SIK3: variants seen among roughly 807,000 people sequenced by gnomAD.
SIK3 encodes the protein SIK family kinase 3.
A neutral mutation model predicts 144.2 loss-of-function variants in SIK3; 28 were observed. That is an observed-to-expected ratio of 0.19 (90% confidence interval 0.14 to 0.27). SIK3 has a LOEUF of 0.27. Among genes scored for constraint, SIK3 ranks in the 10% least tolerant of loss-of-function variants. SIK3 has a pLI of 1.00. For synonymous variants in SIK3, 686 were observed against 676.3 expected, an observed-to-expected ratio of 1.01 and a Z score of -0.22; for missense variants, 1,319 against 1,776.0, an observed-to-expected ratio of 0.74 and a Z score of 4.62.
intron 21 of SIK3, 110 bp downstream of exon 21, chr11:116,857,700 A>C: frequency 6.9e-7 from 1 of 1,459,600 alleles, no homozygotes; most frequent in African/African-American, 1.4e-5. Flanking sequence ...GAAGCTCAGA[A>C]ATTCTTTTTT....
intron 13 of SIK3, 123 bp from the exon 14 acceptor site, chr11:116,870,524 C>T (rs982223132): frequency 4.6e-6 from 6 of 1,305,988 alleles, no homozygotes; most frequent in Non-Finnish European, 6.4e-6. Context: ...CTTTTCTAGA[C>T]TCCTGGGTTA....
intron 2 of SIK3, among the ~76,000 whole-genome samples, chr11:116,956,482 T>A (rs918674424): frequency 2.6e-5 from 4 of 152,164 alleles, no homozygotes; most frequent in African/African-American, 7.2e-5. Context: ...TTTTGATTGA[T>A]CCAAGAAGCA....
chr11:117,093,477 C>T (rs539519649), intron 1 of SIK3, among the ~76,000 whole-genome samples: 4 of 152,314 alleles, frequency 2.6e-5, no homozygotes, highest in African/African-American at 9.6e-5. Context: ...TGTCCTTAAG[C>T]TTGCAGAAAC....
In SIK3 at chr11:117,023,616, AAAAAAAT is replaced by A. The variant is rs1432491325; in HGVS notation, c.274-66559_274-66553del. On this transcript the variant is annotated intron_variant, in intron 1 of 24. Transcript: ENST00000445177. ...AACAAACAAACAAACAAACAAAAAA[AAAAAAAT>A]ATATATATATATATATATATATTGC... Among the ~76,000 whole-genome samples, 293 of 115,660 alleles carry A rather than the reference AAAAAAAT, an allele frequency of 2.5e-3. 7 individuals are homozygous for A. Among genetic ancestry groups the A allele is most frequent in the Middle Eastern group, 0.015 (4 of 260 alleles). The allele number at this position is 115,660 out of a possible 152,430, so 75.9% of individuals were successfully genotyped here. A position where few individuals can be genotyped will look rare whatever the true frequency, so the allele number is the denominator to read the frequency against.
intron 21 of SIK3, among the ~76,000 whole-genome samples, chr11:116,850,391 G>A (rs138286003): frequency 6.6e-6 from 1 of 152,260 alleles, no homozygotes; most frequent in East Asian, 1.9e-4. Flanking sequence ...TGCCCTCACT[G>A]TTCCTTCTAT....
intron 1 of SIK3, among the ~76,000 whole-genome samples, chr11:117,087,683 A>G (rs187721117): frequency 2.1e-4 from 32 of 152,260 alleles, no homozygotes; most frequent in African/African-American, 6.0e-4. Flanking sequence ...CTGCTCATAC[A>G]CTGCTCAGGA....
chr11:117,042,154 A>G (rs1449879076), intron 1 of SIK3, among the ~76,000 whole-genome samples: 1 of 152,150 alleles, frequency 6.6e-6, no homozygotes, highest in Admixed American at 6.5e-5. Flanking sequence ...ATGATATGCT[A>G]TAGTTCCCCC....
chr11:116,931,843 G>A (rs1359784360), intron 3 of SIK3, among the ~76,000 whole-genome samples: 5 of 152,206 alleles, frequency 3.3e-5, no homozygotes, highest in Non-Finnish European at 5.9e-5. Flanking sequence ...AGGTTAATAA[G>A]AGTGCAGTCA....
chr11:117,010,681 T>C (rs919784623), intron 1 of SIK3, among the ~76,000 whole-genome samples: 1 of 150,860 alleles, frequency 6.6e-6, no homozygotes, highest in African/African-American at 2.4e-5. Context: ...AAGGTCAAAG[T>C]AAATAACCCC....
intron 3 of SIK3, among the ~76,000 whole-genome samples, chr11:116,932,740 A>G (rs189612072): frequency 6.6e-6 from 1 of 152,354 alleles, no homozygotes; most frequent in East Asian, 1.9e-4. Flanking sequence ...CATCATTTTA[A>G]GAACACTATA....
At chr11:117,096,566 A>AG (rs1329340884) in intron 1 of SIK3, among the ~76,000 whole-genome samples, 1 of 152,124 alleles carries the variant, frequency 6.6e-6, no homozygotes, top group African/African-American at 2.4e-5. Context: ...TCAGGGTCTG[A>AG]GGGAGCCCTG....
intron 1 of SIK3, among the ~76,000 whole-genome samples, chr11:117,041,885 AG>A (rs1565586684): frequency 6.7e-6 from 1 of 149,672 alleles, no homozygotes; most frequent in Non-Finnish European, 1.5e-5. Context: ...AAAAGGAAAC[AG>A]GTAGAGCCCG....
chr11:116,939,745 T>C lies in SIK3; in HGVS notation c.455-12365A>G, dbSNP rs186938370. ...TACAGGAACATGTTGAATGACACAA[T>C]AAATATATGATCAGCCAAATTCCAA... On this transcript the variant is annotated intron_variant, in intron 3 of 24. Transcript: ENST00000445177. 6.0e-4 allele frequency among the ~76,000 whole-genome samples: 92 copies of C among 152,230 alleles called. 1 individual carries two copies. Among genetic ancestry groups the C allele is most frequent in the African/African-American group, 2.1e-3 (88 of 41,552 alleles).
At chr11:116,900,255 C>T (rs536146122) in intron 4 of SIK3, among the ~76,000 whole-genome samples, 45 of 152,292 alleles carry the variant, frequency 3.0e-4, no homozygotes, top group African/African-American at 1.0e-3. Context: ...CAAGTCCTTT[C>T]TCCCTCGTTT....
At chr11:116,910,958 A>G (rs1298062060) in intron 4 of SIK3, among the ~76,000 whole-genome samples, 1 of 152,190 alleles carries the variant, frequency 6.6e-6, no homozygotes, top group Non-Finnish European at 1.5e-5. Flanking sequence ...TGCTAATACC[A>G]AGAATTGGTG....
intron 1 of SIK3, among the ~76,000 whole-genome samples, chr11:117,023,079 C>T (rs1186001324): frequency 6.6e-6 from 1 of 152,138 alleles, no homozygotes; most frequent in East Asian, 1.9e-4. Context: ...ACTAAGATAA[C>T]TAGTGTGGGC....
At chr11:117,083,115 AACCTCAC>A (rs1381128979) in intron 1 of SIK3, among the ~76,000 whole-genome samples, 3 of 152,240 alleles carry the variant, frequency 2.0e-5, no homozygotes, top group African/African-American at 7.2e-5. Context: ...CCATTGATGT[AACCTCAC>A]TGCTATACGA....
chr11:117,063,274 A>T (rs1351478225), intron 1 of SIK3, among the ~76,000 whole-genome samples: 2 of 152,224 alleles, frequency 1.3e-5, no homozygotes, highest in Admixed American at 1.3e-4. Context: ...CTCAGAAGCT[A>T]TGACCATAAC....
At chr11:117,033,135 C>T (rs1952335896) in intron 1 of SIK3, among the ~76,000 whole-genome samples, 1 of 152,146 alleles carries the variant, frequency 6.6e-6, no homozygotes, top group African/African-American at 2.4e-5. Context: ...TATAGCTGTG[C>T]ACTGGTGTTT....
Sources: gnomAD v4.1 joint callset for allele counts (sites outside exome capture counted in the v4.1 genomes callset) on GRCh38, gnomAD v4.1.1 for gene constraint, MANE v1.5 for transcripts, NCBI Gene and HGNC (gene_info 2026-07-23, HGNC 2026-07-21) for gene names.